The following KLHL29 variants were observed in gnomAD, a reference collection of about 807,000 sequenced individuals.
KLHL29 encodes kelch-like protein 29.
A neutral mutation model predicts 80.4 loss-of-function variants in KLHL29; 21 were observed. The observed-to-expected ratio is 0.26, with a 90% CI of 0.19 to 0.38. KLHL29 has a LOEUF of 0.38. Among genes scored for constraint, KLHL29 ranks in the 10% least tolerant of loss-of-function variants. The probability of loss-of-function intolerance (pLI) is 1.00; values close to 1 mark genes in which losing one functional copy is unlikely to be tolerated. For missense variants in KLHL29, 867 were observed against 1,223.9 expected (o/e 0.71, Z 4.35); for synonymous variants, 511 against 526.8 (o/e 0.97, Z 0.41).
At chr2:23,532,633 T>C in intron 2 of KLHL29, 1 of 456,746 alleles carries the variant, frequency 2.2e-6, no homozygotes, top group Non-Finnish European at 4.4e-6. Flanking sequence ...AAGATTATCT[T>C]AACTTGGGAC....
chr2:23,583,191 T>C (rs1668028857), intron 3 of KLHL29, among the ~76,000 whole-genome samples: 1 of 152,118 alleles, frequency 6.6e-6, no homozygotes, highest in African/African-American at 2.4e-5. Flanking sequence ...GACCTTTCTG[T>C]CCTGTAAGCC....
At chr2:23,412,329 C>T (rs1356571047) in intron 1 of KLHL29, among the ~76,000 whole-genome samples, 1 of 152,118 alleles carries the variant, frequency 6.6e-6, no homozygotes, top group African/African-American at 2.4e-5. Flanking sequence ...AATTCAGGCC[C>T]CAGCAGTGTT....
chr2:23,489,571 G>T lies in KLHL29; in HGVS notation c.-46+13904G>T, dbSNP rs72848058. On this transcript the variant is annotated intron_variant, in intron 2 of 13. Coordinates refer to ENST00000486442, the MANE Select transcript of KLHL29 (RefSeq NM_052920.2). ...GCTGAAGTCATTCTCAGAAACCTGC[G>T]CTATTGAATCTGTCCTCATGAAAGC... is the stretch of plus-strand genomic sequence containing the variant. Among the ~76,000 whole-genome samples the T allele has an allele frequency of 7.7e-3, 1,175 of 152,146 alleles. 18 individuals are homozygous for T. The highest frequency in any genetic ancestry group is 0.026 in the African/African-American group (1,058 of 41,490).
chr2:23,628,775 G>C (rs1394849024), intron 3 of KLHL29, among the ~76,000 whole-genome samples: 1 of 152,098 alleles, frequency 6.6e-6, no homozygotes, highest in Non-Finnish European at 1.5e-5. Context: ...CTGTACAGGG[G>C]ACTTTTCCTC....
intron 5 of KLHL29, among the ~76,000 whole-genome samples, chr2:23,661,632 C>G (rs1049635715): frequency 6.6e-6 from 1 of 152,254 alleles, no homozygotes; most frequent in Non-Finnish European, 1.5e-5. Context: ...TGGCTTTACT[C>G]GTGGCCGAGT....
At chr2:23,661,507 C>T (rs1670408020) in intron 5 of KLHL29, among the ~76,000 whole-genome samples, 1 of 152,232 alleles carries the variant, frequency 6.6e-6, no homozygotes, top group South Asian at 2.1e-4. Context: ...CAGGCCCCTG[C>T]CCTGCTGAGC....
intron 2 of KLHL29, among the ~76,000 whole-genome samples, chr2:23,501,237 T>C (rs1220974376): frequency 1.3e-5 from 2 of 152,090 alleles, no homozygotes; most frequent in Non-Finnish European, 2.9e-5. Flanking sequence ...GGTTGGGATC[T>C]CAGGGTCTGT....
chr2:23,603,723 TTGTGTCCAGCCCTG>T (rs1668632116), intron 3 of KLHL29, among the ~76,000 whole-genome samples: 1 of 152,188 alleles, frequency 6.6e-6, no homozygotes, highest in East Asian at 1.9e-4. Flanking sequence ...CAGTCCAGCA[TTGTGTCCAGCCCTG>T]GGGAGCAGGC....
intron 1 of KLHL29, among the ~76,000 whole-genome samples, chr2:23,396,920 G>T (rs1302955590): frequency 1.3e-5 from 2 of 152,314 alleles, no homozygotes; most frequent in East Asian, 3.9e-4. Context: ...TGATTTTCAT[G>T]GAAAGCGTGT....
At position 23,469,857 on chromosome 2, in the gene KLHL29, G is replaced by T. The variant is rs559785536; in HGVS notation, c.-153-5703G>T. 2.0e-5 allele frequency among the ~76,000 whole-genome samples: 3 copies of T among 152,054 alleles called. No homozygotes were observed. In the East Asian group the frequency reaches 5.8e-4, roughly 30 times the overall value. ...CCTTTGGCTTCTTTTTCTTCATCTT[G>T]TGGAAATGCAAGGGTCATTCCGGTT... is the stretch of plus-strand genomic sequence containing the variant. On this transcript the variant is annotated intron_variant, in intron 1 of 13. Coordinates refer to ENST00000486442, the MANE Select transcript of KLHL29 (RefSeq NM_052920.2).
intron 1 of KLHL29, among the ~76,000 whole-genome samples, chr2:23,395,277 G>T (rs1167291174): frequency 6.6e-6 from 1 of 152,118 alleles, no homozygotes; most frequent in East Asian, 1.9e-4. Context: ...GTGACCCATG[G>T]GTCCACTGGG....
At chr2:23,435,801 G>T (rs1427674049) in intron 1 of KLHL29, among the ~76,000 whole-genome samples, 3 of 152,094 alleles carry the variant, frequency 2.0e-5, no homozygotes, top group Non-Finnish European at 4.4e-5. Flanking sequence ...TTGCCTCAAG[G>T]CCTGGTGAGG....
intron 3 of KLHL29, among the ~76,000 whole-genome samples, chr2:23,575,582 C>T (rs554010305): frequency 2.6e-5 from 4 of 152,202 alleles, no homozygotes; most frequent in Admixed American, 6.5e-5. Flanking sequence ...AGGTTGGGGC[C>T]GTAACTATCC....
intron 2 of KLHL29, among the ~76,000 whole-genome samples, chr2:23,502,112 C>T (rs1384727588): frequency 6.6e-6 from 1 of 152,088 alleles, no homozygotes; most frequent in Admixed American, 6.5e-5. Context: ...TGGCTCAGAC[C>T]GGGAGGTTTT....
chr2:23,706,812 T>C lies in KLHL29; in HGVS notation c.*148T>C, dbSNP rs1319208681. On this transcript the variant is annotated 3_prime_UTR_variant, in exon 14 of 14. Transcript: ENST00000486442. Reference sequence around the variant, plus strand: ...TCAACATGTTGAATATTCTCTACATTGAATGTAGAAAATCATCCTCGCCTT... The same window carrying C: ...TCAACATGTTGAATATTCTCTACATCGAATGTAGAAAATCATCCTCGCCTT... The C allele has an allele frequency of 6.9e-6, 4 of 576,198 alleles. No individual in the cohort carries two copies. The East Asian group carries it at 1.3e-4, about 19-fold the overall frequency. The allele number at this position is 576,198 out of a possible 1,614,324, so 35.7% of individuals were successfully genotyped here.
intron 2 of KLHL29, among the ~76,000 whole-genome samples, chr2:23,538,645 T>C (rs1666747005): frequency 6.6e-6 from 1 of 152,244 alleles, no homozygotes; most frequent in South Asian, 2.1e-4. Context: ...CTGTGGAATA[T>C]GTCACTCTGT....
chr2:23,685,838 G>C (rs1187146209), intron 6 of KLHL29, among the ~76,000 whole-genome samples: 1 of 152,224 alleles, frequency 6.6e-6, no homozygotes, highest in Non-Finnish European at 1.5e-5. Flanking sequence ...GGACAGCAGG[G>C]GCCCGCATCG....
At chr2:23,425,252 A>G (rs1008229954) in intron 1 of KLHL29, among the ~76,000 whole-genome samples, 1 of 152,212 alleles carries the variant, frequency 6.6e-6, no homozygotes, top group Non-Finnish European at 1.5e-5. Context: ...TTGTGAAATT[A>G]TAGATTACTG....
intron 13 of KLHL29, 101 bp downstream of exon 13, chr2:23,703,964 C>T (rs1672556382): frequency 3.0e-6 from 4 of 1,336,346 alleles, no homozygotes; most frequent in Non-Finnish European, 3.0e-6. Context: ...ATAGCAATTC[C>T]CAGGCCCAGA....
Sources: allele counts gnomAD v4.1 joint callset (sites outside exome capture counted in the v4.1 genomes callset), GRCh38; gene constraint gnomAD v4.1.1; transcripts MANE v1.5; gene names NCBI Gene and HGNC (gene_info 2026-07-23, HGNC 2026-07-21).